Variants in CERT1 observed in about 807,000 individuals in gnomAD.
The protein encoded by CERT1 is ceramide transfer protein.
CERT1 carries 31 observed loss-of-function variants against 87.9 expected under a neutral mutation model. The ratio of observed to expected loss-of-function variants is 0.35; its 90% CI spans 0.27 to 0.48. CERT1 has a LOEUF of 0.48. Ranked by LOEUF, CERT1 falls within the 20% of genes least tolerant of loss-of-function variation. CERT1 has a pLI of 0.99. For missense variants in CERT1, 487 were observed against 758.0 expected (o/e 0.64, Z 4.20); for synonymous variants, 289 against 250.9 (o/e 1.15, Z -1.44).
chr5:75,376,031 T>TC (rs1230958205), downstream of CERT1: 1 of 152,114 alleles, frequency 6.6e-6, no homozygotes, highest in Admixed American at 6.6e-5. Flanking sequence ...AATAGACCTC[T>TC]CTTCCCCAGA....
chr5:75,402,946 C>T (rs758985683), intron 9 of CERT1, 26 bp downstream of exon 9: 12 of 1,424,978 alleles, frequency 8.4e-6, no homozygotes, highest in East Asian at 2.3e-5. Context: ...TAAATTTCAG[C>T]TTAGAATTTT....
At chr5:75,405,276 C>A (rs1047491232) in intron 8 of CERT1, among the ~76,000 whole-genome samples, 3 of 152,182 alleles carry the variant, frequency 2.0e-5, no homozygotes, top group African/African-American at 7.2e-5. Flanking sequence ...AAATTCCCCT[C>A]TCCCTCTCTA....
chr5:75,498,774 C>G (rs1275227837), intron 2 of CERT1, among the ~76,000 whole-genome samples: 2 of 152,236 alleles, frequency 1.3e-5, no homozygotes. Context: ...TTGAAGCCCC[C>G]CCACCCCCAC....
chr5:75,467,252 A>C (rs1765493387), intron 2 of CERT1, among the ~76,000 whole-genome samples: 1 of 152,230 alleles, frequency 6.6e-6, no homozygotes, highest in Admixed American at 6.5e-5. Flanking sequence ...AAAATCCTCA[A>C]GATAATAAAA....
At chr5:75,483,604 A>G (rs1766358279) in intron 2 of CERT1, among the ~76,000 whole-genome samples, 1 of 152,230 alleles carries the variant, frequency 6.6e-6, no homozygotes, top group African/African-American at 2.4e-5. Context: ...TCCTAAAAGT[A>G]GCAAGAGAAA....
At chr5:75,394,479 A>T (rs11957913) in intron 11 of CERT1, among the ~76,000 whole-genome samples, 44,943 of 152,140 alleles carry the variant, frequency 0.3, 7,163 homozygotes, top group South Asian at 0.43. Context: ...CTAGCCTGGA[A>T]GACAGAATGA....
intron 3 of CERT1, among the ~76,000 whole-genome samples, chr5:75,449,443 G>A (rs978688950): frequency 1.3e-5 from 2 of 152,114 alleles, no homozygotes; most frequent in African/African-American, 4.8e-5. Context: ...TGGTTGCTGG[G>A]AATTTTCCCA....
At chr5:75,373,011 G>A (rs1761141939), downstream of CERT1, 1 of 152,164 alleles carries the variant, frequency 6.6e-6, no homozygotes, top group Admixed American at 6.5e-5. Context: ...CTTCAATGTT[G>A]TTTACAGGAC....
chr5:75,457,959 A>ATG (rs10549096), intron 3 of CERT1, among the ~76,000 whole-genome samples: 106 of 146,816 alleles, frequency 7.2e-4, no homozygotes, highest in Middle Eastern at 3.5e-3. Context: ...CCTGTTAAAA[A>ATG]TGTGTGTGTG....
downstream of CERT1, chr5:75,374,339 T>C (rs1761202030): frequency 2.0e-6 from 1 of 505,344 alleles, no homozygotes; most frequent in Non-Finnish European, 3.5e-6. Flanking sequence ...TCATTATGAA[T>C]GCAAAATTAT....
At chr5:75,485,102 G>T (rs1766447340) in intron 2 of CERT1, among the ~76,000 whole-genome samples, 1 of 151,848 alleles carries the variant, frequency 6.6e-6, no homozygotes, top group Non-Finnish European at 1.5e-5. Context: ...TGACCAGTTT[G>T]GGCCAATGAA....
chr5:75,444,413 C>T (rs1433646216), intron 3 of CERT1, among the ~76,000 whole-genome samples: 2 of 152,038 alleles, frequency 1.3e-5, no homozygotes, highest in African/African-American at 4.8e-5. Context: ...GATCCATTTA[C>T]ATTTAAAGTA....
At chr5:75,391,572 G>C (rs1762029633) in intron 11 of CERT1, among the ~76,000 whole-genome samples, 1 of 152,196 alleles carries the variant, frequency 6.6e-6, no homozygotes, top group Non-Finnish European at 1.5e-5. Context: ...GTGTTGCATG[G>C]AGAACCTGTG....
chr5:75,397,942 C>T (rs939015044), intron 11 of CERT1, among the ~76,000 whole-genome samples: 3 of 152,106 alleles, frequency 2.0e-5, no homozygotes, highest in Admixed American at 6.5e-5. Context: ...TTGCTTGAAC[C>T]TGGGAGATGG....
chr5:75,474,214 C>A (rs1023556181), intron 2 of CERT1, among the ~76,000 whole-genome samples: 1 of 152,170 alleles, frequency 6.6e-6, no homozygotes, highest in African/African-American at 2.4e-5. Flanking sequence ...TCACGTACCC[C>A]CTGCTTGCTC....
At chr5:75,371,901 T>C (rs1761097623) in intron 17 of CERT1, 1 of 152,184 alleles carries the variant, frequency 6.6e-6, no homozygotes, top group African/African-American at 2.4e-5. Flanking sequence ...GGCCAGTACC[T>C]CTCCAAATTC....
chr5:75,506,744 C>A (rs1335609892), intron 1 of CERT1, among the ~76,000 whole-genome samples: 2 of 152,100 alleles, frequency 1.3e-5, no homozygotes, highest in African/African-American at 2.4e-5. Flanking sequence ...ATACATTTTC[C>A]AAGTTCCTCT....
chr5:75,424,480 G>A (rs1763517413), intron 5 of CERT1, among the ~76,000 whole-genome samples: 1 of 151,818 alleles, frequency 6.6e-6, no homozygotes. Context: ...GCTGAGGCAG[G>A]ACAATCACTT....
At chr5:75,397,735 G>A (rs567811502) in intron 11 of CERT1, among the ~76,000 whole-genome samples, 188 of 152,170 alleles carry the variant, frequency 1.2e-3, no homozygotes, top group African/African-American at 4.0e-3. Context: ...AAAAACATAC[G>A]CAGGGCCGGG....
Sources: allele counts gnomAD v4.1 joint callset (sites outside exome capture counted in the v4.1 genomes callset), GRCh38; gene constraint gnomAD v4.1.1; transcripts MANE v1.5; gene names NCBI Gene and HGNC (gene_info 2026-07-23, HGNC 2026-07-21).